ETV1: variants seen among roughly 807,000 people sequenced by gnomAD.
ETV1 encodes the protein ETS translocation variant 1.
In ETV1, 27 loss-of-function variants were observed where a neutral mutation model predicts 62.3. The observed-to-expected ratio is 0.43, with a 90% CI of 0.32 to 0.60. The LOEUF is 0.60. Ranked by LOEUF, ETV1 falls within the 20% of genes least tolerant of loss-of-function variation. ETV1 has a pLI of 0.06. For synonymous variants in ETV1, 222 were observed against 199.6 expected, an observed-to-expected ratio of 1.11 and a Z score of -0.94; for missense variants, 605 against 605.8, an observed-to-expected ratio of 1.00 and a Z score of 0.01.
At chr7:13,984,448 C>T (rs1465966448) in intron 5 of ETV1, among the ~76,000 whole-genome samples, 2 of 151,474 alleles carry the variant, frequency 1.3e-5, no homozygotes, top group East Asian at 3.9e-4. Context: ...AATATCAGTG[C>T]AAAATAATAT....
At chr7:13,962,583 C>A (rs1377756102) in intron 6 of ETV1, among the ~76,000 whole-genome samples, 2 of 152,026 alleles carry the variant, frequency 1.3e-5, no homozygotes, top group African/African-American at 2.4e-5. Context: ...CAAATAGAGT[C>A]CAAACCAATT....
chr7:13,964,720 A>T (rs546247605), intron 6 of ETV1, among the ~76,000 whole-genome samples: 1 of 151,702 alleles, frequency 6.6e-6, no homozygotes, highest in African/African-American at 2.4e-5. Context: ...TTATTCCAGT[A>T]TCTGGAATAA....
Position 13,894,576 on chromosome 7 carries a change from C to A in ETV1, c.*1290G>T, listed in dbSNP as rs1781611559. On this transcript the variant is annotated 3_prime_UTR_variant, in exon 14 of 14. Transcript: ENST00000430479. ...TTCCTTTAGCAAGCTGAAGCTTACT[C>A]TTCATTTGTCAATGTGCATAAAAGC... 8.6e-6 allele frequency: 2 copies of A among 232,446 alleles called. No homozygotes were observed. Among genetic ancestry groups the A allele is most frequent in the African/African-American group, 4.4e-5 (2 of 45,294 alleles). 14.4% of individuals were successfully genotyped at this position (232,446 alleles called of 1,614,324 possible). A position where few individuals can be genotyped will look rare whatever the true frequency, so the allele number is the denominator to read the frequency against.
At chr7:13,940,832 C>T (rs1326871692) in intron 6 of ETV1, among the ~76,000 whole-genome samples, 1 of 152,110 alleles carries the variant, frequency 6.6e-6, no homozygotes, top group Non-Finnish European at 1.5e-5. Context: ...AAAACAAATA[C>T]TATTTGTTTT....
At chr7:13,934,734 A>G (rs1786594428) in intron 8 of ETV1, among the ~76,000 whole-genome samples, 1 of 152,222 alleles carries the variant, frequency 6.6e-6, no homozygotes, top group African/African-American at 2.4e-5. Context: ...TGGTATCCGT[A>G]TGCTAGAAAT....
intron 9 of ETV1, among the ~76,000 whole-genome samples, chr7:13,929,122 A>C (rs1785784705): frequency 6.6e-6 from 1 of 152,242 alleles, no homozygotes; most frequent in Non-Finnish European, 1.5e-5. Flanking sequence ...GGTTTGGGGA[A>C]TAAGGATAAT....
chr7:13,969,234 T>C (rs1780621841), intron 6 of ETV1, among the ~76,000 whole-genome samples: 1 of 152,180 alleles, frequency 6.6e-6, no homozygotes, highest in African/African-American at 2.4e-5. Flanking sequence ...AATGACTTTC[T>C]CACAGCTAAA....
At chr7:13,897,993 A>G (rs948273038) in intron 13 of ETV1, among the ~76,000 whole-genome samples, 1 of 152,222 alleles carries the variant, frequency 6.6e-6, no homozygotes, top group Non-Finnish European at 1.5e-5. Flanking sequence ...AATGTGTAAC[A>G]TGCAATCAAG....
At chr7:13,987,239 T>C (rs1394282780) in intron 4 of ETV1, among the ~76,000 whole-genome samples, 2 of 151,684 alleles carry the variant, frequency 1.3e-5, no homozygotes, top group Non-Finnish European at 2.9e-5. Context: ...AATAGGTTTA[T>C]AAAAGTCAGA....
At chr7:13,922,091 C>T (rs1201339282) in intron 9 of ETV1, among the ~76,000 whole-genome samples, 1 of 151,806 alleles carries the variant, frequency 6.6e-6, no homozygotes, top group Non-Finnish European at 1.5e-5. Context: ...TTATTAGGGG[C>T]TGGATATAAA....
intron 9 of ETV1, among the ~76,000 whole-genome samples, chr7:13,921,105 T>C (rs548323559): frequency 1.6e-4 from 25 of 152,278 alleles, no homozygotes; most frequent in Admixed American, 3.3e-4. Flanking sequence ...AGTTCCCAAG[T>C]GATCCTACAC....
At chr7:13,949,867 T>C (rs1054105817) in intron 6 of ETV1, among the ~76,000 whole-genome samples, 14 of 152,194 alleles carry the variant, frequency 9.2e-5, no homozygotes, top group Non-Finnish European at 8.8e-5. Flanking sequence ...ATTTAGACCA[T>C]AGCACAGCAA....
At chr7:13,988,826 A>T in intron 3 of ETV1, 182 bp downstream of exon 3, 1 of 1,600,256 alleles carries the variant, frequency 6.2e-7, no homozygotes, top group Non-Finnish European at 8.5e-7. Context: ...TATCCAAATC[A>T]CTGAAAGGTA....
intron 9 of ETV1, among the ~76,000 whole-genome samples, chr7:13,928,329 G>C (rs1330796592): frequency 6.6e-6 from 1 of 152,158 alleles, no homozygotes; most frequent in Non-Finnish European, 1.5e-5. Flanking sequence ...CAAGAAAACA[G>C]TTTCAGGCTG....
At chr7:13,919,924 A>G (rs925540862) in intron 9 of ETV1, among the ~76,000 whole-genome samples, 1 of 152,112 alleles carries the variant, frequency 6.6e-6, no homozygotes, top group Non-Finnish European at 1.5e-5. Context: ...AGAGATCCAA[A>G]CATGTATCTT....
intron 9 of ETV1, among the ~76,000 whole-genome samples, chr7:13,916,721 G>T (rs1784217013): frequency 6.6e-6 from 1 of 152,134 alleles, no homozygotes; most frequent in Non-Finnish European, 1.5e-5. Flanking sequence ...TTGAGCCCAG[G>T]AGTTCAAGAC....
chr7:13,935,853 G>A lies in ETV1; in HGVS notation c.409C>T (p.Pro137Ser). 3 of 1,613,770 alleles carry A rather than the reference G, an allele frequency of 1.9e-6. No homozygotes were observed. Among genetic ancestry groups the A allele is most frequent in the South Asian group, 1.1e-5 (1 of 91,062 alleles). The change falls in exon 8 of 14, where the codon CCC becomes TCC. Residue 137 changes from proline to serine, a missense_variant. Transcript: ENST00000430479. The stretch of plus-strand genomic sequence containing the variant: ...ACTGGCGTGCTGGATGGTGTGGGGG[G>A]GTTGGAGGGCCTCATTCCCACTTGT... ...KPQVGMRPSNPPTPSSTPVSP... is the reference protein window; with the variant it reads ...KPQVGMRPSNSPTPSSTPVSP...
intron 6 of ETV1, among the ~76,000 whole-genome samples, chr7:13,965,892 A>T (rs2128488169): frequency 1.3e-5 from 2 of 152,304 alleles, no homozygotes; most frequent in Middle Eastern, 6.8e-3. Flanking sequence ...TACGTTTTTT[A>T]AAAAATAAGA....
chr7:13,920,441 A>AGT (rs4027263), intron 9 of ETV1, among the ~76,000 whole-genome samples: 34,631 of 148,328 alleles, frequency 0.23, 4,306 homozygotes, highest in South Asian at 0.29. Flanking sequence ...AGAGTGAGTG[A>AGT]GTGTGTGTGT....
Sources: allele counts gnomAD v4.1 joint callset (sites outside exome capture counted in the v4.1 genomes callset), GRCh38; gene constraint gnomAD v4.1.1; transcripts MANE v1.5; gene names NCBI Gene and HGNC (gene_info 2026-07-23, HGNC 2026-07-21).